TENM1: variants seen among roughly 807,000 people sequenced by gnomAD.
The protein encoded by TENM1 is teneurin-1.
A neutral mutation model predicts 174.8 loss-of-function variants in TENM1; 35 were observed. The observed-to-expected ratio is 0.20, with a 90% CI of 0.15 to 0.27. The LOEUF (loss-of-function observed/expected upper bound fraction) is 0.27, where lower values mean the gene tolerates loss of function less well. TENM1 is among the 10% of genes least tolerant of loss of function. The pLI is 1.00. For missense variants in TENM1, 1,633 were observed against 2,130.1 expected, an observed-to-expected ratio of 0.77 and a Z score of 4.59; for synonymous variants, 781 against 798.7, an observed-to-expected ratio of 0.98 and a Z score of 0.37.
chrX:124,954,505 T>C (rs1165709973), intron 1 of TENM1, among the ~76,000 whole-genome samples: 1 of 111,809 alleles, frequency 8.9e-6, no homozygotes, highest in Non-Finnish European at 1.9e-5. Context: ...TAAATGTTTA[T>C]ATAAGGAAAT....
chrX:125,006,771 G>C, the TENM1 span, among the ~76,000 whole-genome samples: 4 of 111,510 alleles, frequency 3.6e-5, no homozygotes, highest in Non-Finnish European at 7.5e-5. Context: ...CCTGCAGAAG[G>C]GGGGCTTGAC....
chrX:124,630,444 C>T (rs2050731083), intron 11 of TENM1, among the ~76,000 whole-genome samples: 1 of 112,239 alleles, frequency 8.9e-6, no homozygotes, highest in Admixed American at 9.4e-5. Flanking sequence ...TATTGTTACC[C>T]ATACCTTAGT....
intron 1 of TENM1, among the ~76,000 whole-genome samples, chrX:124,930,166 C>T (rs1326987555): frequency 1.8e-5 from 2 of 111,058 alleles, no homozygotes; most frequent in East Asian, 2.8e-4. Context: ...GGCCCACCCA[C>T]CTCCCTAGCC....
At chrX:124,935,488 C>T (rs1228681348) in intron 1 of TENM1, among the ~76,000 whole-genome samples, 2 of 112,086 alleles carry the variant, frequency 1.8e-5, no homozygotes, top group African/African-American at 6.5e-5. Flanking sequence ...CTGTTATTAT[C>T]ACACTGTGTT....
intron 3 of TENM1, among the ~76,000 whole-genome samples, chrX:124,766,734 T>C (rs2054546320): frequency 9.0e-6 from 1 of 111,291 alleles, no homozygotes; most frequent in Admixed American, 9.6e-5. Context: ...TTTATACAGG[T>C]ATGATGGTGG....
At chrX:124,528,763 GGTTA>G (rs2048038546) in intron 16 of TENM1, among the ~76,000 whole-genome samples, 2 of 110,091 alleles carry the variant, frequency 1.8e-5, no homozygotes, top group South Asian at 7.8e-4. Flanking sequence ...ATGAAGAGAT[GGTTA>G]GTTAGTAATA....
intron 1 of TENM1, among the ~76,000 whole-genome samples, chrX:124,922,423 G>A (rs756538707): frequency 9.1e-6 from 1 of 110,396 alleles, no homozygotes; most frequent in Non-Finnish European, 1.9e-5. Flanking sequence ...ACCAGCTTTT[G>A]GCTTTGTTAA....
At chrX:124,547,914 G>C (rs1262198722) in intron 14 of TENM1, among the ~76,000 whole-genome samples, 1 of 112,023 alleles carries the variant, frequency 8.9e-6, no homozygotes, top group Non-Finnish European at 1.9e-5. Flanking sequence ...TCGGCTCACT[G>C]CAAGTTCTGC....
chrX:124,957,775 C>A (rs1032506973), intron 1 of TENM1, among the ~76,000 whole-genome samples: 1 of 110,696 alleles, frequency 9.0e-6, no homozygotes, highest in African/African-American at 3.3e-5. Flanking sequence ...ATCTGTAATA[C>A]CTTAGGAGTC....
At chrX:125,051,269 C>T in the TENM1 span, among the ~76,000 whole-genome samples, 1 of 111,160 alleles carries the variant, frequency 9.0e-6, no homozygotes, top group South Asian at 3.8e-4. Context: ...CCATGCTGCC[C>T]AAGGTAATTT....
intron 15 of TENM1, among the ~76,000 whole-genome samples, chrX:124,531,254 A>AC (rs1474483211): frequency 9.4e-6 from 1 of 105,895 alleles, no homozygotes; most frequent in African/African-American, 3.5e-5. Flanking sequence ...TAATCATTTC[A>AC]TCCTGGAATT....
At chrX:124,487,297 A>T (rs2046973105) in intron 20 of TENM1, 68 bp from the exon 24 acceptor site, 1 of 979,804 alleles carries the variant, frequency 1.0e-6, no homozygotes, top group African/African-American at 1.9e-5. Flanking sequence ...ATCATTGAAC[A>T]TGCCAAACCT....
chrX:124,460,790 A>G (rs1247737863), intron 22 of TENM1, among the ~76,000 whole-genome samples: 1 of 111,122 alleles, frequency 9.0e-6, no homozygotes, highest in African/African-American at 3.3e-5. Context: ...TCTGAGTTTA[A>G]TGCCCATTCT....
intron 19 of TENM1, among the ~76,000 whole-genome samples, chrX:124,498,567 T>G (rs2047254721): frequency 9.1e-6 from 1 of 109,335 alleles, no homozygotes; most frequent in African/African-American, 3.3e-5. Context: ...TTTCACCTAC[T>G]TCCATTCCTC....
At chrX:124,722,566 C>T (rs1374873442) in intron 4 of TENM1, among the ~76,000 whole-genome samples, 2 of 111,057 alleles carry the variant, frequency 1.8e-5, no homozygotes, top group African/African-American at 6.5e-5. Context: ...CTCGGCCAGG[C>T]GTGGTGGCTC....
chrX:124,829,112 C>A (rs1280208991), intron 3 of TENM1, among the ~76,000 whole-genome samples: 1 of 111,762 alleles, frequency 8.9e-6, no homozygotes, highest in East Asian at 2.8e-4. Flanking sequence ...TTTAACAAGG[C>A]AGCTATGCAG....
chrX:124,661,859 A>T (rs2051610269), intron 6 of TENM1, among the ~76,000 whole-genome samples: 1 of 111,611 alleles, frequency 9.0e-6, no homozygotes, highest in Non-Finnish European at 1.9e-5. Context: ...GGCATGCAGA[A>T]ATCTTCAATT....
At chrX:124,559,510 T>A (rs2843523) in intron 14 of TENM1, among the ~76,000 whole-genome samples, 33,514 of 108,491 alleles carry the variant, frequency 0.31, 4,151 homozygotes, top group African/African-American at 0.45. Context: ...TCTATTAAAA[T>A]TATAGAAATT....
intron 11 of TENM1, among the ~76,000 whole-genome samples, chrX:124,606,327 T>G (rs2050155386): frequency 9.0e-6 from 1 of 111,485 alleles, no homozygotes; most frequent in South Asian, 3.7e-4. Flanking sequence ...TATAAGAACC[T>G]TTATCATCCT....
Sources: gnomAD v4.1 joint callset for allele counts (sites outside exome capture counted in the v4.1 genomes callset) on GRCh38, gnomAD v4.1.1 for gene constraint, MANE v1.5 for transcripts, NCBI Gene and HGNC (gene_info 2026-07-23, HGNC 2026-07-21) for gene names.